ADAMTS12: variants seen among roughly 807,000 people sequenced by gnomAD.
The protein encoded by ADAMTS12 is A disintegrin and metalloproteinase with thrombospondin motifs 12.
A neutral mutation model predicts 167.8 loss-of-function variants in ADAMTS12; 118 were observed. The ratio of observed to expected loss-of-function variants is 0.70; its 90% confidence interval spans 0.61 to 0.82. ADAMTS12 has a LOEUF of 0.82. ADAMTS12 is among the 40% of genes least tolerant of loss of function. The pLI, the probability that ADAMTS12 is intolerant of heterozygous loss-of-function variation, is 0.00. For synonymous variants in ADAMTS12, 704 were observed against 716.9 expected, an observed-to-expected ratio of 0.98 and a Z score of 0.29; for missense variants, 1,916 against 1,998.8, an observed-to-expected ratio of 0.96 and a Z score of 0.79.
chr5:33,581,148 T>C (rs1162152513), intron 18 of ADAMTS12, among the ~76,000 whole-genome samples: 1 of 152,226 alleles, frequency 6.6e-6, no homozygotes. Context: ...AACGTGTTTA[T>C]CTCCTTAGGA....
At chr5:33,851,296 C>T (rs976011344) in intron 2 of ADAMTS12, among the ~76,000 whole-genome samples, 4 of 152,114 alleles carry the variant, frequency 2.6e-5, no homozygotes, top group Non-Finnish European at 5.9e-5. Flanking sequence ...CCTGTAGTCC[C>T]AGCTACTCGG....
At chr5:33,650,953 A>G (rs757672993) in intron 7 of ADAMTS12, among the ~76,000 whole-genome samples, 2 of 151,970 alleles carry the variant, frequency 1.3e-5, no homozygotes, top group African/African-American at 4.8e-5. Flanking sequence ...AGTATTAGCA[A>G]CTCTTGCTGA....
chr5:33,848,869 A>G (rs1019397522), intron 2 of ADAMTS12, among the ~76,000 whole-genome samples: 5 of 152,070 alleles, frequency 3.3e-5, no homozygotes, highest in African/African-American at 1.2e-4. Context: ...CACCAGAATC[A>G]CCTAAGTAGC....
At chr5:33,791,613 T>C (rs1746572557) in intron 2 of ADAMTS12, among the ~76,000 whole-genome samples, 2 of 152,208 alleles carry the variant, frequency 1.3e-5, no homozygotes, top group South Asian at 2.1e-4. Context: ...TAAGCCACTT[T>C]AATGGAAATT....
chr5:33,682,951 C>G (rs765106035), intron 5 of ADAMTS12, 67 bp downstream of exon 5: 19 of 1,346,178 alleles, frequency 1.4e-5, no homozygotes, highest in Admixed American at 1.9e-5. Context: ...ACCAAGAACT[C>G]CCCTGAAAAA....
At chr5:33,556,521 G>GTTTA (rs747027972) in intron 20 of ADAMTS12, among the ~76,000 whole-genome samples, 3 of 152,208 alleles carry the variant, frequency 2.0e-5, no homozygotes, top group Non-Finnish European at 4.4e-5. Flanking sequence ...GAGGTAGGAT[G>GTTTA]TTTACATCCT....
At chr5:33,604,432 T>C (rs150588509) in intron 16 of ADAMTS12, among the ~76,000 whole-genome samples, 3,220 of 150,232 alleles carry the variant, frequency 0.021, 42 homozygotes, top group African/African-American at 0.05. Context: ...ACCTGGGAGG[T>C]GGAGGTTGCA....
intron 3 of ADAMTS12, among the ~76,000 whole-genome samples, chr5:33,746,878 T>C (rs1407901193): frequency 6.6e-6 from 1 of 152,206 alleles, no homozygotes; most frequent in African/African-American, 2.4e-5. Context: ...GAAGAAGAAA[T>C]GTTGTCTTTT....
At chr5:33,532,093 G>A (rs969639694) in intron 23 of ADAMTS12, among the ~76,000 whole-genome samples, 24 of 152,296 alleles carry the variant, frequency 1.6e-4, no homozygotes, top group African/African-American at 4.8e-4. Context: ...ACTTGGAGGG[G>A]AGATCCCAAT....
chr5:33,848,130 T>C (rs1049657737), intron 2 of ADAMTS12, among the ~76,000 whole-genome samples: 12 of 145,430 alleles, frequency 8.3e-5, no homozygotes, highest in African/African-American at 2.8e-4. Flanking sequence ...GGCAGGAGAG[T>C]CGCTTGAATC....
chr5:33,544,070 T>C (rs1331065384), intron 22 of ADAMTS12, among the ~76,000 whole-genome samples: 1 of 152,194 alleles, frequency 6.6e-6, no homozygotes, highest in East Asian at 1.9e-4. Context: ...GTAAGTCAAA[T>C]TGTCCCTGTT....
At chr5:33,860,268 AAAGGTTAGAGG>A (rs2111687840) in intron 2 of ADAMTS12, among the ~76,000 whole-genome samples, 1 of 152,322 alleles carries the variant, frequency 6.6e-6, no homozygotes, top group Admixed American at 6.5e-5. Context: ...AACCTTAAAA[AAAGGTTAGAGG>A]AATTGCTAAC....
intron 22 of ADAMTS12, among the ~76,000 whole-genome samples, chr5:33,535,772 T>C (rs563161081): frequency 6.6e-6 from 1 of 151,776 alleles, no homozygotes; most frequent in South Asian, 2.1e-4. Context: ...TGAGGAGGGG[T>C]GGAGCTACCA....
intron 2 of ADAMTS12, among the ~76,000 whole-genome samples, chr5:33,846,928 T>C (rs1374018): frequency 0.034 from 5,103 of 152,286 alleles, 232 homozygotes; most frequent in East Asian, 0.2. Context: ...TATTGCTTCT[T>C]TCTTCTGATG....
chr5:33,683,554 C>T (rs900031214), intron 4 of ADAMTS12, among the ~76,000 whole-genome samples: 19 of 152,234 alleles, frequency 1.2e-4, no homozygotes, highest in African/African-American at 3.9e-4. Flanking sequence ...TTTACTCCTT[C>T]GGTTTACTAA....
At chr5:33,764,695 T>A (rs887958925) in intron 2 of ADAMTS12, among the ~76,000 whole-genome samples, 2 of 152,184 alleles carry the variant, frequency 1.3e-5, no homozygotes, top group African/African-American at 4.8e-5. Context: ...AAAGATCTAC[T>A]TTCTCCATGG....
At chr5:33,883,382 G>A (rs1750527414) in intron 1 of ADAMTS12, among the ~76,000 whole-genome samples, 1 of 132,322 alleles carries the variant, frequency 7.6e-6, no homozygotes, top group African/African-American at 3.0e-5. Flanking sequence ...AACCCTTTGT[G>A]GAATCATTCT....
intron 7 of ADAMTS12, among the ~76,000 whole-genome samples, chr5:33,654,874 T>TTG (rs34219097): frequency 0.11 from 14,892 of 141,334 alleles, 789 homozygotes; most frequent in Middle Eastern, 0.14. Context: ...GTGGGTGATT[T>TTG]TGTGTGTGTG....
chr5:33,757,767 G>T (rs1198876082), intron 2 of ADAMTS12, among the ~76,000 whole-genome samples: 1 of 152,212 alleles, frequency 6.6e-6, no homozygotes, highest in Non-Finnish European at 1.5e-5. Context: ...AGCCCCAGTT[G>T]TCTCATCTGT....
Sources: gnomAD v4.1 joint callset for allele counts (sites outside exome capture counted in the v4.1 genomes callset) on GRCh38, gnomAD v4.1.1 for gene constraint, MANE v1.5 for transcripts, NCBI Gene and HGNC (gene_info 2026-07-23, HGNC 2026-07-21) for gene names.